Variants in KCNQ1 observed in about 807,000 individuals in gnomAD.
KCNQ1 encodes potassium voltage-gated channel subfamily KQT member 1.
Under a neutral mutation model 72.4 loss-of-function variants are expected in KCNQ1, and 49 were observed. That is an observed-to-expected ratio of 0.68 (90% CI 0.54 to 0.86). KCNQ1 has a LOEUF of 0.86. KCNQ1 is among the 40% of genes least tolerant of loss of function. KCNQ1 has a pLI of 0.00. For missense variants in KCNQ1, 790 were observed against 945.1 expected (o/e 0.84, Z 2.15); for synonymous variants, 450 against 412.6 (o/e 1.09, Z -1.10).
In KCNQ1 at chr11:2,494,818, T is replaced by C. The variant is rs370380577; in HGVS notation, c.387-33110T>C. ...GAAGTTTTCTTTTTTTGTGTGTCGCTGCCAAATTTTGGTATCAGGATGATG... is the reference window on the plus strand; with the variant it reads ...GAAGTTTTCTTTTTTTGTGTGTCGCCGCCAAATTTTGGTATCAGGATGATG... On this transcript the variant is annotated intron_variant, in intron 1 of 15. Coordinates refer to ENST00000155840, the MANE Select transcript of KCNQ1 (RefSeq NM_000218.3). This position sits in a 1 kb window ranked among gnomAD's most constrained non-coding sequence, Gnocchi z 4.6. 3.3e-5 allele frequency among the ~76,000 whole-genome samples: 5 copies of C among 152,328 alleles called. No individual in the cohort carries two copies. The South Asian group carries it at 8.3e-4, about 25-fold the overall frequency.
chr11:2,690,633 G>A lies in KCNQ1; in HGVS notation c.1514+28552G>A. The A allele has an allele frequency of 2.5e-6, 1 of 398,582 alleles. No individual in the cohort carries two copies. Among genetic ancestry groups the A allele is most frequent in the Non-Finnish European group, 4.4e-6 (1 of 226,014 alleles). The allele number at this position is 398,582 out of a possible 1,614,324, so 24.7% of individuals were successfully genotyped here. On this transcript the variant is annotated intron_variant, in intron 11 of 15. Coordinates refer to ENST00000155840, the MANE Select transcript of KCNQ1 (RefSeq NM_000218.3). The surrounding 1 kb of genome is among the most constrained non-coding windows in gnomAD (Gnocchi z 5.1). ...TATGTGCATGTTCATATATGTGTCAGAATGCGTATTTGTCAGTGTATGTGT... is the reference window on the plus strand; with the variant it reads ...TATGTGCATGTTCATATATGTGTCAAAATGCGTATTTGTCAGTGTATGTGT...
rs1352665434 is a variant in KCNQ1 at position 2,626,615 on chromosome 11, A to G, written c.1394-35346A>G. ...ATTATCACTGCTTACTGCCACCTCA[A>G]TCTCCCAGGCTCAAGCAATCCTCCC... On this transcript the variant is annotated intron_variant, in intron 10 of 15. Coordinates refer to ENST00000155840, the MANE Select transcript of KCNQ1 (RefSeq NM_000218.3). This position sits in a 1 kb window ranked among gnomAD's most constrained non-coding sequence, Gnocchi z 4.0. 4 of 398,476 alleles carry G rather than the reference A, an allele frequency of 1.0e-5. No individual in the cohort carries two copies. The highest frequency in any genetic ancestry group is 4.1e-5 in the African/African-American group (2 of 48,602). The allele number at this position is 398,476 out of a possible 1,614,324, so 24.7% of individuals were successfully genotyped here.
rs1590039281 is a variant in KCNQ1 at position 2,698,378 on chromosome 11, G to A, written c.1514+36297G>A. On this transcript the variant is annotated intron_variant, in intron 11 of 15. Transcript: ENST00000155840. This position sits in a 1 kb window ranked among gnomAD's most constrained non-coding sequence, Gnocchi z 5.1. The stretch of plus-strand genomic sequence containing the variant: ...ATAAAAGGCTATTTGACCTGCTCAG[G>A]GACCACAGTGGGGTACTGGGATCTG... 1.0e-5 allele frequency: 4 copies of A among 398,362 alleles called. No homozygotes were observed. The highest frequency in any genetic ancestry group is 8.8e-6 in the Non-Finnish European group (2 of 226,044). The allele number at this position is 398,362 out of a possible 1,614,324, so 24.7% of individuals were successfully genotyped here. A position where few individuals can be genotyped will look rare whatever the true frequency, so the allele number is the denominator to read the frequency against.
chr11:2,841,188 G>A (rs1395017298), intron 15 of KCNQ1, among the ~76,000 whole-genome samples: 2 of 152,220 alleles, frequency 1.3e-5, no homozygotes, highest in South Asian at 2.1e-4. Context: ...AGAGGACAGC[G>A]GGTGCAAAGG....
At chr11:2,714,982 A>G (rs890581012) in intron 11 of KCNQ1, among the ~76,000 whole-genome samples, 3 of 152,252 alleles carry the variant, frequency 2.0e-5, no homozygotes, top group Non-Finnish European at 2.9e-5. Context: ...GGGCCTAGCC[A>G]GGGCCAGGTG....
chr11:2,641,599 T>G (rs960664135), intron 10 of KCNQ1: 1 of 398,412 alleles, frequency 2.5e-6, no homozygotes, highest in African/African-American at 2.1e-5. Flanking sequence ...CTCTTCACTC[T>G]GGTGATTGTT....
intron 11 of KCNQ1, chr11:2,693,917 C>T (rs572525347): frequency 1.9e-4 from 74 of 398,772 alleles, no homozygotes; most frequent in African/African-American, 1.5e-3. Flanking sequence ...TACTGCAAAC[C>T]TGGATCCGGT....
chr11:2,587,709 C>T lies in KCNQ1; in HGVS notation c.1251+17C>T. On this transcript the variant is annotated intron_variant, in intron 9 of 15. Coordinates refer to ENST00000155840, the MANE Select transcript of KCNQ1 (RefSeq NM_000218.3). ...TCTGTGGTGGTGAGTAGCCCACCTG[C>T]CACCAGGGCAGGGCCTTCTTGCTAG... 1 of 1,613,504 alleles carries T rather than the reference C, an allele frequency of 6.2e-7. No individual in the cohort carries two copies. The highest frequency in any genetic ancestry group is 8.5e-7 in the Non-Finnish European group (1 of 1,179,904).
rs574680013 is a variant in KCNQ1, at chr11:2,678,533, G to A, written c.1514+16452G>A. ...TCTATTCTGGACTGCTGATGGGCCT[G>A]TTGATAGGCCAGAGCTCAGTTATTT... On this transcript the variant is annotated intron_variant, in intron 11 of 15. Coordinates refer to ENST00000155840, the MANE Select transcript of KCNQ1 (RefSeq NM_000218.3). The surrounding 1 kb of genome is among the most constrained non-coding windows in gnomAD (Gnocchi z 4.9). 8.5e-5 allele frequency: 34 copies of A among 398,560 alleles called. No homozygotes were observed. In the South Asian group the frequency reaches 1.8e-3, roughly 21 times the overall value. The allele number at this position is 398,560 out of a possible 1,614,324, so 24.7% of individuals were successfully genotyped here. A position where few individuals can be genotyped will look rare whatever the true frequency, so the allele number is the denominator to read the frequency against.
chr11:2,509,930 C>A lies in KCNQ1; in HGVS notation c.387-17998C>A, dbSNP rs1417677583. Among the ~76,000 whole-genome samples the A allele has an allele frequency of 1.3e-5, 2 of 152,166 alleles. No homozygotes were observed. Among genetic ancestry groups the A allele is most frequent in the Non-Finnish European group, 2.9e-5 (2 of 68,028 alleles). ...CAGACCCACTGCCAGGGCTGCCTCT[C>A]TCTTTAGATATGTCCTGGCATCTGA... On this transcript the variant is annotated intron_variant, in intron 1 of 15. Coordinates refer to ENST00000155840, the MANE Select transcript of KCNQ1 (RefSeq NM_000218.3). This position sits in a 1 kb window ranked among gnomAD's most constrained non-coding sequence, Gnocchi z 6.3.
At chr11:2,555,970 C>T (rs889636428) in intron 2 of KCNQ1, among the ~76,000 whole-genome samples, 6 of 152,212 alleles carry the variant, frequency 3.9e-5, no homozygotes. Flanking sequence ...GACCTCTGGC[C>T]TGGCCTTGCT....
chr11:2,682,748 T>A lies in KCNQ1; in HGVS notation c.1514+20667T>A, dbSNP rs1233278184. On this transcript the variant is annotated intron_variant, in intron 11 of 15. Coordinates refer to ENST00000155840, the MANE Select transcript of KCNQ1 (RefSeq NM_000218.3). The surrounding 1 kb of genome is among the most constrained non-coding windows in gnomAD (Gnocchi z 5.8). Reference sequence around the variant, plus strand: ...AATCTCTTCCCCTTGAGCCCACTCATCTCTGTTGACATTCTAGAAATGCAG... The same window carrying A: ...AATCTCTTCCCCTTGAGCCCACTCAACTCTGTTGACATTCTAGAAATGCAG... 5 of 398,550 alleles carry A rather than the reference T, an allele frequency of 1.3e-5. No homozygotes were observed. The highest frequency in any genetic ancestry group is 2.1e-5 in the African/African-American group (1 of 48,626). The allele number at this position is 398,550 out of a possible 1,614,324, so 24.7% of individuals were successfully genotyped here.
At chr11:2,633,792 C>T (rs912512251) in intron 10 of KCNQ1, 11 of 398,370 alleles carry the variant, frequency 2.8e-5, no homozygotes, top group African/African-American at 1.2e-4. Flanking sequence ...GGATTGCTTC[C>T]GAGACCCCCT....
chr11:2,699,445 A>ACTGAGGAGCCGCCGGGAGAGTGCCGCG (rs1374460624), intron 11 of KCNQ1: 3 of 402,280 alleles, frequency 7.5e-6, no homozygotes, highest in Non-Finnish European at 1.3e-5. Flanking sequence ...GGAGAACCGC[A>ACTGAGGAGCCGCCGGGAGAGTGCCGCG]CTGAGGAGCC....
In KCNQ1 at chr11:2,671,202, G is replaced by C. The variant is rs1240550152; in HGVS notation, c.1514+9121G>C. On this transcript the variant is annotated intron_variant, in intron 11 of 15. Transcript: ENST00000155840. This position sits in a 1 kb window ranked among gnomAD's most constrained non-coding sequence, Gnocchi z 4.7. ...AGGAGAAAAGGAAAGAAAAATAAAAGGTAGAGAGACAGAGGTAGACAGGAG... is the reference window on the plus strand; with the variant it reads ...AGGAGAAAAGGAAAGAAAAATAAAACGTAGAGAGACAGAGGTAGACAGGAG... 7.5e-6 allele frequency: 3 copies of C among 398,466 alleles called. No homozygotes were observed. Among genetic ancestry groups the C allele is most frequent in the Non-Finnish European group, 1.3e-5 (3 of 226,080 alleles). The allele number at this position is 398,466 out of a possible 1,614,324, so 24.7% of individuals were successfully genotyped here.
intron 1 of KCNQ1, among the ~76,000 whole-genome samples, chr11:2,454,222 CG>C (rs553611402): frequency 3.3e-5 from 5 of 149,904 alleles, no homozygotes; most frequent in African/African-American, 4.9e-5. Flanking sequence ...AAAAGGGTGG[CG>C]GGGGGGGAGG....
chr11:2,695,783 T>C lies in KCNQ1; in HGVS notation c.1514+33702T>C, dbSNP rs895116965. 5.0e-6 allele frequency: 2 copies of C among 398,678 alleles called. No individual in the cohort carries two copies. Among genetic ancestry groups the C allele is most frequent in the African/African-American group, 4.1e-5 (2 of 48,760 alleles). The allele number at this position is 398,678 out of a possible 1,614,324, so 24.7% of individuals were successfully genotyped here. ...CACTTGGCCTTATCCTACTTTCTAA[T>C]GCTTCTCCTATGAAGAATAGCTGTT... On this transcript the variant is annotated intron_variant, in intron 11 of 15. Transcript: ENST00000155840. The surrounding 1 kb of genome is among the most constrained non-coding windows in gnomAD (Gnocchi z 5.2).
At chr11:2,845,134 G>A (rs1364709578) in intron 15 of KCNQ1, among the ~76,000 whole-genome samples, 3 of 152,194 alleles carry the variant, frequency 2.0e-5, no homozygotes, top group African/African-American at 4.8e-5. Context: ...TGGTCCTGCC[G>A]GCAGCAGGAG....
intron 15 of KCNQ1, among the ~76,000 whole-genome samples, chr11:2,836,677 C>T (rs1478566372): frequency 6.6e-6 from 1 of 152,254 alleles, no homozygotes; most frequent in Admixed American, 6.5e-5. Flanking sequence ...GTGCAGCCTC[C>T]ACAAGTGTGT....
Sources: gnomAD v4.1 joint callset for allele counts (sites outside exome capture counted in the v4.1 genomes callset) on GRCh38, gnomAD v4.1.1 for gene constraint, Gnocchi (gnomAD v3.1) non-coding constraint, MANE v1.5 for transcripts, NCBI Gene and HGNC (gene_info 2026-07-23, HGNC 2026-07-21) for gene names.